The following GALNT13 variants were observed in gnomAD, a reference collection of about 807,000 sequenced individuals.
The protein encoded by GALNT13 is polypeptide N-acetylgalactosaminyltransferase 13.
A neutral mutation model predicts 64.2 loss-of-function variants in GALNT13; 28 were observed. The observed-to-expected ratio is 0.44, with a 90% CI of 0.32 to 0.60. The LOEUF is 0.60. GALNT13 is among the 20% of genes least tolerant of loss of function. The probability of loss-of-function intolerance (pLI) is 0.05; values close to 1 mark genes in which losing one functional copy is unlikely to be tolerated. For missense variants in GALNT13, 577 were observed against 669.8 expected (o/e 0.86, Z 1.53); for synonymous variants, 214 against 224.6 (o/e 0.95, Z 0.42).
At chr2:153,830,513 T>C in the GALNT13 span, among the ~76,000 whole-genome samples, 12 of 152,286 alleles carry the variant, frequency 7.9e-5, 1 homozygote, top group East Asian at 2.3e-3. Flanking sequence ...TATTAAGTAG[T>C]ATTGCCTTTG....
chr2:153,611,327 G>A, the GALNT13 span, among the ~76,000 whole-genome samples: 9 of 152,110 alleles, frequency 5.9e-5, no homozygotes, highest in African/African-American at 9.7e-5. Flanking sequence ...TTTGAACTGA[G>A]TAAAGCTCCA....
intron 9 of GALNT13, among the ~76,000 whole-genome samples, chr2:154,311,812 G>A (rs1363181461): frequency 6.6e-6 from 1 of 152,180 alleles, no homozygotes; most frequent in African/African-American, 2.4e-5. Context: ...CTTTCTCAGG[G>A]ACGTTCCATG....
At chr2:153,907,559 C>T (rs983930901) in intron 2 of GALNT13, among the ~76,000 whole-genome samples, 3 of 151,862 alleles carry the variant, frequency 2.0e-5, no homozygotes, top group African/African-American at 7.3e-5. Context: ...TCCTGCCACC[C>T]TCTATCCTAA....
the GALNT13 span, among the ~76,000 whole-genome samples, chr2:153,731,072 ATGTGTGTGTGTGTGTCTGTATATGTT>A: frequency 5.1e-4 from 77 of 150,990 alleles, no homozygotes; most frequent in African/African-American, 1.8e-3. Flanking sequence ...ATATATATAT[ATGTGTGTGTGTGTGTCTGTATATGTT>A]TGTGTGTGTG....
the GALNT13 span, among the ~76,000 whole-genome samples, chr2:153,838,671 A>G: frequency 1.2e-3 from 185 of 152,068 alleles, 2 homozygotes; most frequent in Non-Finnish European, 1.5e-3. Flanking sequence ...ATAGCTTTAT[A>G]AAATACTTTA....
Position 154,388,854 on chromosome 2 carries a change from ACTC to A in GALNT13, c.1157-7134_1157-7132del, listed in dbSNP as rs372363337. The stretch of plus-strand genomic sequence containing the variant: ...TAGCTTAAACTGTATATACTGGTCT[ACTC>A]CTGTAATGTGAATATATATCATTAA... On this transcript the variant is annotated intron_variant, in intron 9 of 12. Coordinates refer to ENST00000392825, the MANE Select transcript of GALNT13 (RefSeq NM_052917.4). Among the ~76,000 whole-genome samples the A allele has an allele frequency of 3.3e-4, 51 of 152,252 alleles. 1 individual carries two copies. In the South Asian group the frequency reaches 0.01, roughly 30 times the overall value.
chr2:154,159,816 G>T (rs1363153826), intron 4 of GALNT13, among the ~76,000 whole-genome samples: 1 of 152,170 alleles, frequency 6.6e-6, no homozygotes, highest in East Asian at 1.9e-4. Context: ...GGAATTTAAT[G>T]ATAGCTAAGA....
chr2:153,741,177 TA>T, the GALNT13 span, among the ~76,000 whole-genome samples: 3 of 152,138 alleles, frequency 2.0e-5, no homozygotes, highest in Non-Finnish European at 4.4e-5. Flanking sequence ...CTCACTATCG[TA>T]TTTTTTTTTC....
the GALNT13 span, among the ~76,000 whole-genome samples, chr2:153,153,429 A>C: frequency 1.3e-5 from 2 of 151,944 alleles, no homozygotes. Context: ...CTTTTGTTGC[A>C]ATTGCTTTTG....
At chr2:154,409,344 T>G in intron 11 of GALNT13, 1 of 420,798 alleles carries the variant, frequency 2.4e-6, no homozygotes, top group Non-Finnish European at 4.3e-6. Flanking sequence ...TCTCATTTTA[T>G]CATGTATTAG....
upstream of GALNT13, among the ~76,000 whole-genome samples, chr2:153,870,209 T>G (rs538139682): frequency 6.6e-6 from 1 of 152,314 alleles, no homozygotes; most frequent in African/African-American, 2.4e-5. Flanking sequence ...CAATACTTTC[T>G]AGGGTGATAC....
chr2:153,736,294 T>C, the GALNT13 span, among the ~76,000 whole-genome samples: 1 of 152,288 alleles, frequency 6.6e-6, no homozygotes, highest in Middle Eastern at 3.4e-3. Context: ...GATGTCCAAA[T>C]TATCTCATAT....
the GALNT13 span, among the ~76,000 whole-genome samples, chr2:153,564,506 G>T: frequency 6.6e-6 from 1 of 151,790 alleles, no homozygotes; most frequent in Admixed American, 6.6e-5. Flanking sequence ...TAAAGAGCTT[G>T]TCAATTAAAT....
chr2:154,111,100 TC>T (rs1407261511), intron 3 of GALNT13, among the ~76,000 whole-genome samples: 1 of 152,212 alleles, frequency 6.6e-6, no homozygotes, highest in Non-Finnish European at 1.5e-5. Flanking sequence ...ACAATTCCAG[TC>T]CTTGTTTCTT....
At chr2:153,178,027 AC>A in the GALNT13 span, among the ~76,000 whole-genome samples, 1 of 152,194 alleles carries the variant, frequency 6.6e-6, no homozygotes, top group South Asian at 2.1e-4. Flanking sequence ...CCATATTGTC[AC>A]AAATGACAAG....
At chr2:153,618,870 AAT>A in the GALNT13 span, among the ~76,000 whole-genome samples, 1 of 151,786 alleles carries the variant, frequency 6.6e-6, no homozygotes, top group African/African-American at 2.4e-5. Flanking sequence ...ATTGGCATGG[AAT>A]ATCTTTTTCT....
chr2:153,260,710 C>A, the GALNT13 span, among the ~76,000 whole-genome samples: 1 of 152,022 alleles, frequency 6.6e-6, no homozygotes, highest in Non-Finnish European at 1.5e-5. Flanking sequence ...TGTTCTATAA[C>A]CTTCTACTTG....
chr2:153,888,661 A>G (rs1687348446), intron 1 of GALNT13, among the ~76,000 whole-genome samples: 1 of 151,968 alleles, frequency 6.6e-6, no homozygotes, highest in Non-Finnish European at 1.5e-5. Flanking sequence ...ATAACTTTGT[A>G]AACAATTTCT....
chr2:153,481,460 G>T, the GALNT13 span, among the ~76,000 whole-genome samples: 1 of 152,132 alleles, frequency 6.6e-6, no homozygotes, highest in Non-Finnish European at 1.5e-5. Flanking sequence ...TGTTGACATT[G>T]AAAAACTTAA....
Sources: gnomAD v4.1 joint callset for allele counts (sites outside exome capture counted in the v4.1 genomes callset) on GRCh38, gnomAD v4.1.1 for gene constraint, MANE v1.5 for transcripts, NCBI Gene and HGNC (gene_info 2026-07-23, HGNC 2026-07-21) for gene names.